The following MYO1E variants were observed in gnomAD, a reference collection of about 807,000 sequenced individuals.
The protein encoded by MYO1E is unconventional myosin-Ie.
A neutral mutation model predicts 151.1 loss-of-function variants in MYO1E; 68 were observed. That is an observed-to-expected ratio of 0.45 (90% confidence interval 0.37 to 0.55). MYO1E has a LOEUF of 0.55. Ranked by LOEUF, MYO1E falls within the 20% of genes least tolerant of loss-of-function variation. MYO1E has a pLI of 0.00. For synonymous variants in MYO1E, 601 were observed against 501.7 expected (o/e 1.20, Z -2.64); for missense variants, 1,363 against 1,389.3 (o/e 0.98, Z 0.30).
chr15:59,290,669 T>C lies in MYO1E; in HGVS notation c.4-18220A>G, dbSNP rs114671034. ...AGCACAATCAGACAACTTGAATATG[T>C]TTAAAATAACCTTGCAGAAATCCTC... On this transcript the variant is annotated intron_variant, in intron 1 of 27. Coordinates refer to ENST00000288235, the MANE Select transcript of MYO1E (RefSeq NM_004998.4). Among the ~76,000 whole-genome samples the C allele has an allele frequency of 7.1e-3, 1,076 of 152,316 alleles. 11 individuals carry two copies. Among genetic ancestry groups the C allele is most frequent in the African/African-American group, 0.024 (1,004 of 41,562 alleles).
intron 1 of MYO1E, among the ~76,000 whole-genome samples, chr15:59,372,044 C>T (rs1213915601): frequency 6.7e-6 from 1 of 150,168 alleles, no homozygotes; most frequent in Non-Finnish European, 1.5e-5. Context: ...GAGAGGGAGT[C>T]GGCGCGAGGG....
chr15:59,218,088 C>A lies in MYO1E; in HGVS notation c.911-1G>T. On this transcript the variant is annotated splice_acceptor_variant, in intron 9 of 27. Coordinates refer to ENST00000288235, the MANE Select transcript of MYO1E (RefSeq NM_004998.4). LOFTEE classifies it high-confidence loss of function. ...AGCAGATATGCAGGAAAAGCTAAAA[C>A]TGTAGAACATAAAACAAAACATGAC... 2 of 1,614,180 alleles carry A rather than the reference C, an allele frequency of 1.2e-6. No individual in the cohort carries two copies. Among genetic ancestry groups the A allele is most frequent in the Non-Finnish European group, 1.7e-6 (2 of 1,180,000 alleles).
intron 25 of MYO1E, among the ~76,000 whole-genome samples, chr15:59,156,729 A>T (rs1188424195): frequency 1.3e-5 from 2 of 152,248 alleles, no homozygotes; most frequent in Non-Finnish European, 2.9e-5. Flanking sequence ...TGACCCTATC[A>T]GACTTAGAAT....
chr15:59,325,830 A>G (rs1341761784), intron 1 of MYO1E, among the ~76,000 whole-genome samples: 1 of 152,088 alleles, frequency 6.6e-6, no homozygotes, highest in Non-Finnish European at 1.5e-5. Flanking sequence ...TGAGCTCTCA[A>G]TATCTGTTTT....
intron 2 of MYO1E, among the ~76,000 whole-genome samples, chr15:59,267,300 C>G (rs1286253381): frequency 1.3e-5 from 2 of 152,190 alleles, no homozygotes; most frequent in African/African-American, 4.8e-5. Flanking sequence ...GCTGGGATTA[C>G]AGGCATGAGC....
At chr15:59,240,384 GT>G (rs1197703541) in intron 4 of MYO1E, among the ~76,000 whole-genome samples, 2 of 151,460 alleles carry the variant, frequency 1.3e-5, no homozygotes, top group African/African-American at 4.9e-5. Context: ...GTGTCTGTGT[GT>G]GGGGGGGGTC....
intron 4 of MYO1E, among the ~76,000 whole-genome samples, chr15:59,238,973 A>G (rs1479001247): frequency 6.6e-6 from 1 of 151,496 alleles, no homozygotes; most frequent in Non-Finnish European, 1.5e-5. Context: ...TGGGAGGCCA[A>G]GGTGGACGGA....
chr15:59,186,158 G>A (rs779621536), intron 18 of MYO1E, among the ~76,000 whole-genome samples: 2 of 152,038 alleles, frequency 1.3e-5, no homozygotes, highest in Non-Finnish European at 2.9e-5. Flanking sequence ...GAACAAAGAG[G>A]GTAAACCTTG....
chr15:59,213,146 TTATTA>T (rs775991385), intron 12 of MYO1E, among the ~76,000 whole-genome samples: 5 of 47,590 alleles, frequency 1.1e-4, no homozygotes, highest in East Asian at 8.1e-4. Context: ...TTTATTATTA[TTATTA>T]TTATTATTAT....
Position 59,227,532 on chromosome 15 carries a change from G to T in MYO1E, c.569C>A (p.Ser190Tyr). ...PGGEPDGGKI[S>Y]NFLLEKSRVV... The stretch of plus-strand genomic sequence containing the variant: ...CCTAGATTTTTCCAGAAGGAAGTTG[G>T]AGATCTTTCCACCATCTGGTTCCCC... The change falls in exon 7 of 28, where the codon TCC becomes TAC. Residue 190 changes from serine to tyrosine, a missense_variant. Coordinates refer to ENST00000288235, the MANE Select transcript of MYO1E (RefSeq NM_004998.4). 1 of 1,614,162 alleles carries T rather than the reference G, an allele frequency of 6.2e-7. No homozygotes were observed.
rs117289896 is a variant in MYO1E at position 59,259,094 on chromosome 15, G to T, written c.237+2326C>A. ...TTATAGGCATGAGCCACCATGCCCA[G>T]TCCAATTTCCCTCTTTTGGTCATCC... On this transcript the variant is annotated intron_variant, in intron 3 of 27. Transcript: ENST00000288235. 4.8e-3 allele frequency among the ~76,000 whole-genome samples: 734 copies of T among 152,178 alleles called. 16 individuals are homozygous for T. In the East Asian group the frequency reaches 0.064, roughly 13 times the overall value.
At chr15:59,319,750 A>G (rs1417403595) in intron 1 of MYO1E, among the ~76,000 whole-genome samples, 1 of 151,734 alleles carries the variant, frequency 6.6e-6, no homozygotes, top group Non-Finnish European at 1.5e-5. Context: ...CTAAAAATAA[A>G]AAATTAGCCG....
chr15:59,220,915 C>A (rs2079950744), intron 9 of MYO1E, among the ~76,000 whole-genome samples: 1 of 98,554 alleles, frequency 1.0e-5, no homozygotes, highest in African/African-American at 3.7e-5. Flanking sequence ...CTAAGCAAGA[C>A]CCCATCTCTT....
chr15:59,332,854 C>T (rs571076798), intron 1 of MYO1E, among the ~76,000 whole-genome samples: 168 of 152,172 alleles, frequency 1.1e-3, no homozygotes, highest in African/African-American at 3.7e-3. Context: ...TGAGCCACCA[C>T]GACCGGCCCT....
intron 4 of MYO1E, among the ~76,000 whole-genome samples, 193 bp from the exon 5 acceptor site, chr15:59,236,865 C>T (rs1206471699): frequency 7.9e-5 from 12 of 152,172 alleles, no homozygotes; most frequent in African/African-American, 2.4e-4. Flanking sequence ...CCATGTGACC[C>T]GTGTGAGCCG....
chr15:59,153,516 G>A, intron 26 of MYO1E, 74 bp downstream of exon 26: 1 of 1,508,168 alleles, frequency 6.6e-7, no homozygotes. Flanking sequence ...CAGCCCACAG[G>A]AATCTCTGAA....
Position 59,246,383 on chromosome 15 carries a change from C to T in MYO1E, c.333-9711G>A, listed in dbSNP as rs575155610. Among the ~76,000 whole-genome samples, 211 of 152,286 alleles carry T rather than the reference C, an allele frequency of 1.4e-3. 3 individuals are homozygous for T. Among genetic ancestry groups the T allele is most frequent in the Middle Eastern group, 3.4e-3 (1 of 294 alleles). On this transcript the variant is annotated intron_variant, in intron 4 of 27. Transcript: ENST00000288235. The stretch of plus-strand genomic sequence containing the variant: ...TCTGCCCACCTGCTGGGATTACAGG[C>T]GTGAGCCACCATGCCCAGCTTCACT...
chr15:59,234,450 C>A (rs139605658), intron 5 of MYO1E, among the ~76,000 whole-genome samples: 1 of 152,106 alleles, frequency 6.6e-6, no homozygotes, highest in African/African-American at 2.4e-5. Context: ...AGAGTTGATC[C>A]ACAAACTCAA....
At chr15:59,323,707 T>C (rs2080643426) in intron 1 of MYO1E, among the ~76,000 whole-genome samples, 1 of 151,916 alleles carries the variant, frequency 6.6e-6, no homozygotes, top group Non-Finnish European at 1.5e-5. Context: ...CTGTGTGCAT[T>C]TGTCTGATGA....
Sources: allele counts gnomAD v4.1 joint callset (sites outside exome capture counted in the v4.1 genomes callset), GRCh38; gene constraint gnomAD v4.1.1; transcripts MANE v1.5; gene names NCBI Gene and HGNC (gene_info 2026-07-23, HGNC 2026-07-21).